Variants in ATP8A1 observed in about 807,000 individuals in gnomAD.
ATP8A1 encodes the protein ATPase phospholipid transporting 8A1, also known as phospholipid-transporting ATPase IA.
In ATP8A1, 90 loss-of-function variants were observed where a neutral mutation model predicts 177.7. That is an observed-to-expected ratio of 0.51 (90% CI 0.43 to 0.60). The LOEUF (loss-of-function observed/expected upper bound fraction) is 0.60. Among genes scored for constraint, ATP8A1 ranks in the 20% least tolerant of loss-of-function variants. The pLI is 0.00. For synonymous variants in ATP8A1, 493 were observed against 485.9 expected (o/e 1.01, Z -0.19); for missense variants, 1,072 against 1,392.8 (o/e 0.77, Z 3.67).
chr4:42,549,721 C>A (rs558540976), intron 18 of ATP8A1, among the ~76,000 whole-genome samples: 4 of 151,966 alleles, frequency 2.6e-5, no homozygotes, highest in Non-Finnish European at 5.9e-5. Context: ...GTCACTTGAG[C>A]CCAGGGGTTC....
chr4:42,634,560 A>C (rs912248046), intron 1 of ATP8A1, among the ~76,000 whole-genome samples: 6 of 152,160 alleles, frequency 3.9e-5, no homozygotes, highest in African/African-American at 1.4e-4. Flanking sequence ...AATATAATCA[A>C]GGAGGGCATT....
Position 42,410,776 on chromosome 4 carries a change from A to AT in ATP8A1, c.*2139dup, listed in dbSNP as rs1369048343. On this transcript the variant is annotated 3_prime_UTR_variant, in exon 37 of 37. Transcript: ENST00000381668. ...GTTTCAAGATTAAAATAAAACTTAC[A>AT]TTTTTAAGTCAGAAAATCCAGTTCT... 2.0e-5 allele frequency: 3 copies of AT among 152,098 alleles called. No homozygotes were observed. The highest frequency in any genetic ancestry group is 4.4e-5 in the Non-Finnish European group (3 of 68,032). 9.4% of individuals were successfully genotyped at this position (152,098 alleles called of 1,614,324 possible).
intron 1 of ATP8A1, 128 bp downstream of exon 1, chr4:42,656,697 C>G: frequency 8.7e-7 from 1 of 1,152,800 alleles, no homozygotes; most frequent in Non-Finnish European, 1.2e-6. Context: ...CCCTAGGGGC[C>G]GGGCGCGACA....
At chr4:42,524,669 C>A in intron 21 of ATP8A1, 94 bp downstream of exon 21, 2 of 721,638 alleles carry the variant, frequency 2.8e-6, no homozygotes, top group Non-Finnish European at 4.4e-6. Context: ...CTTTAGGAAT[C>A]TCTAAGTCTA....
intron 20 of ATP8A1, among the ~76,000 whole-genome samples, chr4:42,535,266 G>T (rs191689058): frequency 1.1e-4 from 17 of 152,172 alleles, no homozygotes; most frequent in South Asian, 2.1e-4. Flanking sequence ...GTAAAAGGGT[G>T]GAAAAAGATA....
chr4:42,485,207 A>G (rs1722069421), intron 25 of ATP8A1, among the ~76,000 whole-genome samples: 1 of 152,202 alleles, frequency 6.6e-6, no homozygotes, highest in Admixed American at 6.5e-5. Flanking sequence ...CAGGACCTTT[A>G]AAGAAAGGAC....
chr4:42,537,243 A>T (rs1727939549), intron 20 of ATP8A1, among the ~76,000 whole-genome samples: 2 of 152,158 alleles, frequency 1.3e-5, no homozygotes, highest in South Asian at 4.1e-4. Flanking sequence ...AACCCTCAGC[A>T]ATATTGACAC....
At chr4:42,458,459 T>A (rs909971977) in intron 27 of ATP8A1, among the ~76,000 whole-genome samples, 5 of 152,206 alleles carry the variant, frequency 3.3e-5, no homozygotes, top group Admixed American at 6.5e-5. Flanking sequence ...GGAAAGGTCT[T>A]ATTTTATGAG....
chr4:42,499,369 T>C (rs1361831404), intron 24 of ATP8A1, among the ~76,000 whole-genome samples: 2 of 151,996 alleles, frequency 1.3e-5, no homozygotes, highest in Non-Finnish European at 2.9e-5. Flanking sequence ...GGATGAAAAA[T>C]AGAAAAAATG....
intron 22 of ATP8A1, among the ~76,000 whole-genome samples, chr4:42,521,159 G>A (rs953145169): frequency 3.3e-5 from 5 of 152,132 alleles, no homozygotes; most frequent in African/African-American, 9.7e-5. Context: ...AAACCGCAGC[G>A]GACAGGCTAG....
At chr4:42,645,602 A>G (rs931589721) in intron 1 of ATP8A1, among the ~76,000 whole-genome samples, 3 of 152,328 alleles carry the variant, frequency 2.0e-5, no homozygotes, top group Admixed American at 6.5e-5. Flanking sequence ...TATCTAATTC[A>G]CTATGAAGCC....
chr4:42,416,556 C>T (rs778301529), intron 35 of ATP8A1, among the ~76,000 whole-genome samples: 3 of 152,074 alleles, frequency 2.0e-5, no homozygotes, highest in Non-Finnish European at 4.4e-5. Context: ...TAACGTACAG[C>T]ATTAAAACAA....
intron 16 of ATP8A1, among the ~76,000 whole-genome samples, chr4:42,553,673 T>C (rs1729741882): frequency 6.6e-6 from 1 of 152,090 alleles, no homozygotes; most frequent in African/African-American, 2.4e-5. Context: ...AGAACATTAT[T>C]TGAAAAAACT....
rs767320927 is a variant in ATP8A1 at position 42,624,599 on chromosome 4, T to A, written c.300A>T (p.Thr100=). The change falls in exon 4 of 37, where the codon ACA becomes ACT. Residue 100 remains threonine (T), a synonymous_variant. Coordinates refer to ENST00000381668, the MANE Select transcript of ATP8A1 (RefSeq NM_006095.2). ...IPDVSPTGRY[T]TLVPLLFILA... is the part of the protein sequence containing the mutation. The stretch of plus-strand genomic sequence containing the variant: ...AAATAAATAAGAGAGGAACCAGTGT[T>A]GTATAACGACCTGTTGGTGACACAT... 6.7e-7 allele frequency: 1 copy of A among 1,483,824 alleles called. No individual in the cohort carries two copies. Among genetic ancestry groups the A allele is most frequent in the South Asian group, 1.5e-5 (1 of 65,224 alleles). 91.9% of individuals were successfully genotyped at this position (1,483,824 alleles called of 1,614,324 possible).
chr4:42,456,983 TA>T (rs1000405250), intron 27 of ATP8A1, among the ~76,000 whole-genome samples: 1 of 152,182 alleles, frequency 6.6e-6, no homozygotes, highest in Non-Finnish European at 1.5e-5. Context: ...TGAGCATGTA[TA>T]AAAACTAATG....
At chr4:42,476,018 C>A (rs918239893) in intron 25 of ATP8A1, among the ~76,000 whole-genome samples, 1 of 151,910 alleles carries the variant, frequency 6.6e-6, no homozygotes, top group East Asian at 2.0e-4. Flanking sequence ...CCAGCCTGGG[C>A]GACAGAGTGA....
At chr4:42,479,863 G>T (rs1351082370) in intron 25 of ATP8A1, among the ~76,000 whole-genome samples, 2 of 152,320 alleles carry the variant, frequency 1.3e-5, no homozygotes, top group South Asian at 2.1e-4. Flanking sequence ...CTTCTTGGGG[G>T]CTGGTCCTGC....
intron 1 of ATP8A1, among the ~76,000 whole-genome samples, chr4:42,649,691 T>C (rs1740893466): frequency 6.6e-6 from 1 of 152,102 alleles, no homozygotes; most frequent in Admixed American, 6.6e-5. Flanking sequence ...ACTCTAGGTG[T>C]AGAGGGTACA....
At chr4:42,444,058 T>A (rs1008875782) in intron 32 of ATP8A1, among the ~76,000 whole-genome samples, 11 of 152,186 alleles carry the variant, frequency 7.2e-5, no homozygotes, top group African/African-American at 2.7e-4. Flanking sequence ...TCCAAACGCC[T>A]TGTGGCAATC....
Sources: allele counts gnomAD v4.1 joint callset (sites outside exome capture counted in the v4.1 genomes callset), GRCh38; gene constraint gnomAD v4.1.1; transcripts MANE v1.5; gene names NCBI Gene and HGNC (gene_info 2026-07-23, HGNC 2026-07-21).